CSMD2: variants seen among roughly 807,000 people sequenced by gnomAD.
CSMD2 encodes the protein CUB and sushi domain-containing protein 2.
CSMD2 carries 130 observed loss-of-function variants against 398.5 expected under a neutral mutation model. The ratio of observed to expected loss-of-function variants is 0.33; its 90% CI spans 0.28 to 0.38. The LOEUF is 0.38. Ranked by LOEUF, CSMD2 falls within the 10% of genes least tolerant of loss-of-function variation. The pLI, the probability that CSMD2 is intolerant of heterozygous loss-of-function variation, is 1.00. For synonymous variants in CSMD2, 1,828 were observed against 1,908.5 expected (o/e 0.96, Z 1.10); for missense variants, 3,829 against 4,764.9 (o/e 0.80, Z 5.78).
intron 44 of CSMD2, among the ~76,000 whole-genome samples, chr1:33,593,732 G>T (rs1270789855): frequency 6.6e-6 from 1 of 152,122 alleles, no homozygotes; most frequent in Non-Finnish European, 1.5e-5. Context: ...TAGTAAATTT[G>T]CATTTTTCAT....
intron 2 of CSMD2, 42 bp from the exon 3 acceptor site, chr1:34,032,748 G>T: frequency 7.3e-7 from 1 of 1,368,878 alleles, no homozygotes; most frequent in Admixed American, 2.0e-5. Context: ...GACCCCCTTG[G>T]GAAACTACAC....
rs12239304 is a variant in CSMD2 at position 33,638,858 on chromosome 1, G to A, written c.4775-2304C>T. ...CTCCTCTGCTATATTTCTCTCCACTGCAGTTAATACTCTCTCATCGACTCT... is the reference window on the plus strand; with the variant it reads ...CTCCTCTGCTATATTTCTCTCCACTACAGTTAATACTCTCTCATCGACTCT... On this transcript the variant is annotated intron_variant, in intron 29 of 70. Transcript: ENST00000373381. Among the ~76,000 whole-genome samples, 105 of 152,176 alleles carry A rather than the reference G, an allele frequency of 6.9e-4. 2 individuals are homozygous for A. The highest frequency in any genetic ancestry group is 2.5e-3 in the African/African-American group (102 of 41,488).
intron 4 of CSMD2, among the ~76,000 whole-genome samples, chr1:33,920,127 T>C (rs1321120197): frequency 6.6e-6 from 1 of 151,860 alleles, no homozygotes; most frequent in Non-Finnish European, 1.5e-5. Context: ...CTTGAAGGAA[T>C]GAGAGAGGAA....
chr1:33,820,506 T>C lies in CSMD2; in HGVS notation c.1162A>G (p.Ile388Val), dbSNP rs145296309. Residue 388 changes from isoleucine to valine, a missense_variant, in exon 8 of 71, where the codon ATA (isoleucine) becomes GTA (valine). This residue lies in a region of CSMD2 where 2,001 missense variants were observed against 2,567.1 expected (regional missense o/e 0.78). Transcript: ENST00000373381. ...CCTAGTCTTTTGCCCCTTTCGGGTATGCCAGGGTCTGGACACATATTATGT... is the reference window on the plus strand; with the variant it reads ...CCTAGTCTTTTGCCCCTTTCGGGTACGCCAGGGTCTGGACACATATTATGT... Reference protein sequence around the residue: ...QGHNMCPDPGIPERGKRLGSD... With the variant: ...QGHNMCPDPGVPERGKRLGSD... 70 of 1,599,544 alleles carry C rather than the reference T, an allele frequency of 4.4e-5. 1 individual carries two copies. The African/African-American group carries it at 9.0e-4, about 21-fold the overall frequency.
Position 33,743,618 on chromosome 1 carries a change from G to A in CSMD2, c.1847-12C>T, listed in dbSNP as rs746049689. 14 of 1,569,384 alleles carry A rather than the reference G, an allele frequency of 8.9e-6. No individual in the cohort carries two copies. The highest frequency in any genetic ancestry group is 1.2e-5 in the Non-Finnish European group (14 of 1,152,966). ...GAAGAAGCAGGAGACTGCAAGAGAA[G>A]AGCAGTGGAGGTCAGTAAGCATCCC... On this transcript the variant is annotated splice_polypyrimidine_tract_variant and intron_variant, in intron 13 of 70. Transcript: ENST00000373381.
chr1:33,734,009 A>T (rs540663317), intron 15 of CSMD2, among the ~76,000 whole-genome samples: 1 of 152,338 alleles, frequency 6.6e-6, no homozygotes, highest in Non-Finnish European at 1.5e-5. Context: ...TCATGGATAA[A>T]GCACAATTAC....
chr1:33,521,945 C>T (rs1446670977), intron 67 of CSMD2, among the ~76,000 whole-genome samples: 1 of 152,164 alleles, frequency 6.6e-6, no homozygotes, highest in African/African-American at 2.4e-5. Flanking sequence ...GCTGTTATTA[C>T]TGTGATGAAA....
intron 13 of CSMD2, among the ~76,000 whole-genome samples, chr1:33,751,494 G>A (rs945266749): frequency 6.6e-6 from 1 of 152,210 alleles, no homozygotes; most frequent in Non-Finnish European, 1.5e-5. Context: ...AGAATGGAGT[G>A]GGGTAACAGG....
chr1:33,831,674 A>G (rs556848110), intron 6 of CSMD2, among the ~76,000 whole-genome samples: 1 of 152,280 alleles, frequency 6.6e-6, no homozygotes, highest in Admixed American at 6.5e-5. Flanking sequence ...TTAACCTTAA[A>G]TGTAAATGGA....
intron 12 of CSMD2, among the ~76,000 whole-genome samples, chr1:33,777,567 G>C (rs952161043): frequency 6.6e-6 from 1 of 152,228 alleles, no homozygotes; most frequent in Non-Finnish European, 1.5e-5. Context: ...TCAGGACCCA[G>C]AATTGCAAAT....
intron 4 of CSMD2, among the ~76,000 whole-genome samples, chr1:33,932,375 A>G (rs1644340345): frequency 6.6e-6 from 1 of 152,136 alleles, no homozygotes; most frequent in African/African-American, 2.4e-5. Flanking sequence ...TGGGCCCTCC[A>G]GTATTTAAGG....
At chr1:33,647,334 G>A (rs1451918277) in intron 28 of CSMD2, among the ~76,000 whole-genome samples, 1 of 151,958 alleles carries the variant, frequency 6.6e-6, no homozygotes, top group African/African-American at 2.4e-5. Context: ...CAGTGCTCCA[G>A]CTCTCCTCAG....
intron 2 of CSMD2, among the ~76,000 whole-genome samples, chr1:34,076,928 A>AATATATAT (rs1177320523): frequency 9.3e-4 from 50 of 53,588 alleles, no homozygotes; most frequent in African/African-American, 1.9e-3. Context: ...AAAAAAAAAA[A>AATATATAT]ATATATATAT....
intron 4 of CSMD2, among the ~76,000 whole-genome samples, chr1:33,929,126 A>G (rs2125311800): frequency 6.6e-6 from 1 of 152,264 alleles, no homozygotes; most frequent in East Asian, 1.9e-4. Context: ...GGAAAAGCCT[A>G]GGAGTCAACT....
At chr1:33,801,004 C>T (rs1229101421) in intron 10 of CSMD2, among the ~76,000 whole-genome samples, 1 of 152,082 alleles carries the variant, frequency 6.6e-6, no homozygotes, top group Non-Finnish European at 1.5e-5. Flanking sequence ...GAGTATGTCC[C>T]TGACATTTGC....
intron 5 of CSMD2, among the ~76,000 whole-genome samples, chr1:33,878,860 T>A (rs1457915600): frequency 9.9e-5 from 15 of 152,252 alleles, no homozygotes; most frequent in African/African-American, 3.6e-4. Context: ...GGTGCTATTG[T>A]GCTTTGTAGT....
intron 29 of CSMD2, among the ~76,000 whole-genome samples, chr1:33,638,677 G>A (rs11802386): frequency 0.017 from 2,555 of 152,250 alleles, 81 homozygotes; most frequent in African/African-American, 0.059. Context: ...AGCTCCTGTC[G>A]TCTCTATGCT....
At chr1:33,675,222 AAAG>A (rs1414121892) in intron 25 of CSMD2, among the ~76,000 whole-genome samples, 1 of 152,156 alleles carries the variant, frequency 6.6e-6, no homozygotes, top group Non-Finnish European at 1.5e-5. Flanking sequence ...CAAGACTAAT[AAAG>A]AAGAAAAGAG....
At chr1:33,617,042 G>T in intron 38 of CSMD2, 67 bp from the exon 39 acceptor site, 1 of 1,269,074 alleles carries the variant, frequency 7.9e-7, no homozygotes, top group Non-Finnish European at 1.2e-6. Context: ...ACAACCAGGG[G>T]CTGTACAGGG....
Sources: gnomAD v4.1 joint callset for allele counts (sites outside exome capture counted in the v4.1 genomes callset) on GRCh38, gnomAD v4.1.1 for gene constraint, gnomAD v4.1.1 regional missense constraint, MANE v1.5 for transcripts, NCBI Gene and HGNC (gene_info 2026-07-23, HGNC 2026-07-21) for gene names.